LRP1B: variants seen among roughly 807,000 people sequenced by gnomAD.
LRP1B encodes LDL receptor related protein 1B.
A neutral mutation model predicts 556.6 loss-of-function variants in LRP1B; 217 were observed. The observed-to-expected ratio is 0.39, with a 90% confidence interval of 0.35 to 0.44. The LOEUF is 0.44. LRP1B is among the 20% of genes least tolerant of loss of function. The probability of loss-of-function intolerance (pLI) is 1.00; values close to 1 mark genes in which losing one functional copy is unlikely to be tolerated. For synonymous variants in LRP1B, 2,047 were observed against 1,865.8 expected, an observed-to-expected ratio of 1.10 and a Z score of -2.50; for missense variants, 5,053 against 5,620.8, an observed-to-expected ratio of 0.90 and a Z score of 3.23.
At chr2:141,457,806 G>A (rs1681689024) in intron 3 of LRP1B, among the ~76,000 whole-genome samples, 1 of 152,116 alleles carries the variant, frequency 6.6e-6, no homozygotes, top group Non-Finnish European at 1.5e-5. Context: ...GAAAAGCAAG[G>A]CAGAAAATGG....
rs529622354 is a variant in LRP1B at position 140,232,649 on chromosome 2, C to T, written c.*537G>A. 1 of 151,744 alleles carries T rather than the reference C, an allele frequency of 6.6e-6. No individual in the cohort carries two copies. Among genetic ancestry groups the T allele is most frequent in the Non-Finnish European group, 1.5e-5 (1 of 67,526 alleles). 9.4% of individuals were successfully genotyped at this position (151,744 alleles called of 1,614,324 possible). ...TCATCTATTGGTTGGCAATCTAAGG[C>T]TAATTTCAAAGCAGGTGATGCTGAA... On this transcript the variant is annotated 3_prime_UTR_variant, in exon 91 of 91. Transcript: ENST00000389484.
chr2:142,100,241 G>A (rs969654160), intron 1 of LRP1B, among the ~76,000 whole-genome samples: 1 of 151,888 alleles, frequency 6.6e-6, no homozygotes, highest in Non-Finnish European at 1.5e-5. Flanking sequence ...GCTTCTCCGT[G>A]AGATATCAGG....
chr2:141,557,265 A>G (rs1685994412), intron 2 of LRP1B, among the ~76,000 whole-genome samples: 2 of 152,048 alleles, frequency 1.3e-5, no homozygotes, highest in South Asian at 4.1e-4. Context: ...CGAAACGAAG[A>G]GAGTGCACAG....
intron 7 of LRP1B, among the ~76,000 whole-genome samples, chr2:141,151,865 A>G (rs1350727755): frequency 6.6e-6 from 1 of 152,136 alleles, no homozygotes. Flanking sequence ...CAAACTAAAC[A>G]TGGAGAAAAA....
chr2:141,187,363 G>A (rs1398584160), intron 7 of LRP1B, among the ~76,000 whole-genome samples: 2 of 152,036 alleles, frequency 1.3e-5, no homozygotes, highest in East Asian at 3.9e-4. Flanking sequence ...GTCCACATAT[G>A]GATGACAGCT....
intron 1 of LRP1B, among the ~76,000 whole-genome samples, chr2:142,076,745 C>T (rs1408850787): frequency 6.6e-6 from 1 of 152,066 alleles, no homozygotes; most frequent in African/African-American, 2.4e-5. Flanking sequence ...GAAGAGGAGT[C>T]TTTGGAGGTC....
At chr2:141,351,446 C>A (rs1688439918) in intron 3 of LRP1B, among the ~76,000 whole-genome samples, 1 of 151,982 alleles carries the variant, frequency 6.6e-6, no homozygotes, top group Non-Finnish European at 1.5e-5. Flanking sequence ...AGCTTCAGAG[C>A]TTCTGACCAG....
At chr2:142,016,682 G>A (rs901494462) in intron 1 of LRP1B, among the ~76,000 whole-genome samples, 1 of 151,404 alleles carries the variant, frequency 6.6e-6, no homozygotes, top group African/African-American at 2.4e-5. Flanking sequence ...CTGTTGGGGG[G>A]TAGGGGCTAG....
chr2:141,119,214 T>C (rs1017365122), intron 7 of LRP1B, among the ~76,000 whole-genome samples: 3 of 151,894 alleles, frequency 2.0e-5, no homozygotes, highest in Admixed American at 1.3e-4. Context: ...AAATCATCCG[T>C]AAGTTTTTTT....
intron 89 of LRP1B, among the ~76,000 whole-genome samples, chr2:140,237,348 C>A (rs1024773292): frequency 2.0e-5 from 3 of 150,888 alleles, no homozygotes; most frequent in South Asian, 4.2e-4. Context: ...GGATTTCCTT[C>A]TTTTTTATGG....
At position 140,745,795 on chromosome 2, in the gene LRP1B, T is replaced by C. The variant is rs1386957035; in HGVS notation, c.5758+23418A>G. Among the ~76,000 whole-genome samples, 4 of 152,198 alleles carry C rather than the reference T, an allele frequency of 2.6e-5. No homozygotes were observed. In the East Asian group the frequency reaches 7.7e-4, roughly 29 times the overall value. On this transcript the variant is annotated intron_variant, in intron 35 of 90. Coordinates refer to ENST00000389484, the MANE Select transcript of LRP1B (RefSeq NM_018557.3). ...CCCACTGCTTCACAGTGACTATATA[T>C]TTAGCTTATAGATTATTACTTGTAT... is the stretch of plus-strand genomic sequence containing the variant.
chr2:141,026,279 CA>C (rs1472394339), intron 11 of LRP1B, among the ~76,000 whole-genome samples: 2 of 152,004 alleles, frequency 1.3e-5, no homozygotes, highest in Non-Finnish European at 2.9e-5. Flanking sequence ...AATTTAATTT[CA>C]CAGAAGTTGA....
Position 140,662,996 on chromosome 2 carries a change from G to T in LRP1B, c.6799+37254C>A, listed in dbSNP as rs548531339. On this transcript the variant is annotated intron_variant, in intron 41 of 90. Transcript: ENST00000389484. The stretch of plus-strand genomic sequence containing the variant: ...ATTTCCAAATGGGTAAAGGGCTACA[G>T]TTAAGAAAGTGCACTAACTTTATAA... 3.3e-5 allele frequency among the ~76,000 whole-genome samples: 5 copies of T among 152,184 alleles called. No homozygotes were observed. The East Asian group carries it at 9.7e-4, about 29-fold the overall frequency.
intron 18 of LRP1B, among the ~76,000 whole-genome samples, chr2:140,969,179 G>T (rs1696330090): frequency 6.6e-6 from 1 of 152,080 alleles, no homozygotes; most frequent in South Asian, 2.1e-4. Flanking sequence ...CTCTTTGTAG[G>T]TCTCTAAGGA....
intron 1 of LRP1B, among the ~76,000 whole-genome samples, chr2:141,821,937 A>G (rs559612486): frequency 2.0e-5 from 3 of 152,188 alleles, no homozygotes; most frequent in East Asian, 3.9e-4. Context: ...TTCAAATCCA[A>G]TTTGACATTT....
chr2:140,553,110 C>G (rs563821883), intron 43 of LRP1B, among the ~76,000 whole-genome samples: 2 of 152,054 alleles, frequency 1.3e-5, no homozygotes, highest in African/African-American at 2.4e-5. Flanking sequence ...CAACTGATTG[C>G]CTCATTGACA....
intron 72 of LRP1B, among the ~76,000 whole-genome samples, chr2:140,362,154 C>T (rs778395800): frequency 2.6e-5 from 4 of 151,630 alleles, no homozygotes; most frequent in Admixed American, 6.6e-5. Flanking sequence ...GCCTAAAGTG[C>T]CGCCATGGTG....
chr2:140,850,824 TA>T (rs1395749234), intron 28 of LRP1B, among the ~76,000 whole-genome samples: 7 of 152,298 alleles, frequency 4.6e-5, no homozygotes, highest in Admixed American at 3.9e-4. Context: ...GCTTTTAGTG[TA>T]TTTTTTTTGT....
chr2:141,382,371 C>T (rs1218425431), intron 3 of LRP1B, among the ~76,000 whole-genome samples: 1 of 152,234 alleles, frequency 6.6e-6, no homozygotes, highest in Non-Finnish European at 1.5e-5. Context: ...GACTCAGTCT[C>T]AGGTTCAGCT....
Sources: gnomAD v4.1 joint callset for allele counts (sites outside exome capture counted in the v4.1 genomes callset) on GRCh38, gnomAD v4.1.1 for gene constraint, MANE v1.5 for transcripts, NCBI Gene and HGNC (gene_info 2026-07-23, HGNC 2026-07-21) for gene names.